CCNYL1: variants seen among roughly 807,000 people sequenced by gnomAD.
The protein encoded by CCNYL1 is cyclin-Y-like protein 1.
Under a neutral mutation model 44.2 loss-of-function variants are expected in CCNYL1, and 16 were observed. That is an observed-to-expected ratio of 0.36 (90% CI 0.25 to 0.55). The LOEUF (loss-of-function observed/expected upper bound fraction) is 0.55. Among genes scored for constraint, CCNYL1 ranks in the 20% least tolerant of loss-of-function variants. The pLI is 0.85. For missense variants in CCNYL1, 348 were observed against 451.8 expected (o/e 0.77, Z 2.08); for synonymous variants, 159 against 163.2 (o/e 0.97, Z 0.20).
In CCNYL1 at chr2:207,747,038, A is replaced by C; in HGVS notation, c.640-9A>C. The C allele has an allele frequency of 6.2e-7, 1 of 1,610,878 alleles. No homozygotes were observed. Among genetic ancestry groups the C allele is most frequent in the Non-Finnish European group, 8.5e-7 (1 of 1,177,568 alleles). On this transcript the variant is annotated splice_polypyrimidine_tract_variant and intron_variant, in intron 7 of 9. Coordinates refer to ENST00000295414, the MANE Select transcript of CCNYL1 (RefSeq NM_001330218.2). ...AACTAAAATCAAAGACCAGTGCTCT[A>C]TTTTACAGGTTTACTTAGAAAGGCT...
At chr2:207,726,348 C>T (rs1477561772) in intron 2 of CCNYL1, among the ~76,000 whole-genome samples, 1 of 152,108 alleles carries the variant, frequency 6.6e-6, no homozygotes, top group East Asian at 1.9e-4. Context: ...TTTATTTTTT[C>T]AGTAACATAC....
intron 1 of CCNYL1, among the ~76,000 whole-genome samples, chr2:207,722,256 G>A (rs1357852588): frequency 1.3e-5 from 2 of 151,834 alleles, no homozygotes; most frequent in Non-Finnish European, 2.9e-5. Context: ...TGTATTTTTA[G>A]TAGAGATGGG....
intron 8 of CCNYL1, among the ~76,000 whole-genome samples, chr2:207,749,100 T>G (rs2091874794): frequency 6.6e-6 from 1 of 152,210 alleles, no homozygotes; most frequent in Non-Finnish European, 1.5e-5. Flanking sequence ...ATGTGCAGGT[T>G]TCTACAGATG....
At chr2:207,725,578 G>C (rs2091674033) in intron 2 of CCNYL1, among the ~76,000 whole-genome samples, 1 of 152,216 alleles carries the variant, frequency 6.6e-6, no homozygotes, top group Non-Finnish European at 1.5e-5. Flanking sequence ...TTGAATCTGT[G>C]ATTTTGGCTT....
At chr2:207,751,204 G>C in intron 9 of CCNYL1, 85 bp downstream of exon 9, 2 of 1,207,230 alleles carry the variant, frequency 1.7e-6, no homozygotes, top group Non-Finnish European at 2.3e-6. Context: ...GTAGTGATTA[G>C]GAAAATGGAA....
rs187229074 is a variant in CCNYL1, at chr2:207,718,200, G to A, written c.220+6084G>A. Among the ~76,000 whole-genome samples the A allele has an allele frequency of 2.8e-4, 42 of 152,182 alleles. No individual in the cohort carries two copies. In the East Asian group the frequency reaches 6.9e-3, roughly 25 times the overall value. On this transcript the variant is annotated intron_variant, in intron 1 of 9. Transcript: ENST00000295414. ...ATTACAGGTGTGAGCCACCATGCCC[G>A]GCCAATATTTTTAATTGTTTAAGAA...
chr2:207,734,021 G>A lies in CCNYL1; in HGVS notation c.405G>A (p.Gln135=). The A allele has an allele frequency of 6.2e-7, 1 of 1,613,394 alleles. No homozygotes were observed. The highest frequency in any genetic ancestry group is 2.2e-5 in the East Asian group (1 of 44,872). The part of the protein sequence containing the change: ...TIFLDDSTVS[Q]PNLRTTVKCV... ...TTCTAGATGACAGCACAGTCAGCCAGCCTAATCTTAGAACCACAGTAAAAT... is the reference window on the plus strand; with the variant it reads ...TTCTAGATGACAGCACAGTCAGCCAACCTAATCTTAGAACCACAGTAAAAT... Residue 135 remains glutamine (Q), a synonymous_variant, in exon 4 of 10, where the codon CAG becomes CAA. Transcript: ENST00000295414.
chr2:207,713,598 A>G (rs2091570384), intron 1 of CCNYL1, among the ~76,000 whole-genome samples: 1 of 152,354 alleles, frequency 6.6e-6, no homozygotes, highest in Non-Finnish European at 1.5e-5. Flanking sequence ...TATCATAAAG[A>G]TGTTTAAATC....
chr2:207,750,793 G>A, intron 8 of CCNYL1, 164 bp from the exon 9 acceptor site: 2 of 586,444 alleles, frequency 3.4e-6, no homozygotes, highest in Non-Finnish European at 5.8e-6. Flanking sequence ...GGGACCACAA[G>A]TAACTGTACC....
intron 1 of CCNYL1, among the ~76,000 whole-genome samples, chr2:207,718,650 C>T (rs1236886192): frequency 6.6e-6 from 1 of 152,208 alleles, no homozygotes; most frequent in African/African-American, 2.4e-5. Context: ...GATTTCTCTT[C>T]TGTTGGGAGA....
At position 207,733,997 on chromosome 2, in the gene CCNYL1, T is replaced by G. The variant is rs766332715; in HGVS notation, c.381T>G (p.Phe127Leu). 5.0e-5 allele frequency: 81 copies of G among 1,613,654 alleles called. No individual in the cohort carries two copies. Among genetic ancestry groups the G allele is most frequent in the Non-Finnish European group, 6.9e-5 (81 of 1,179,758 alleles). The change falls in exon 4 of 10, where the codon TTT (phenylalanine) becomes TTG (leucine). Residue 127 changes from phenylalanine to leucine, a missense_variant. Physicochemically the swap from Phe to Leu is conservative, Grantham distance 22. Around this residue, in one of 3 missense-constraint regions of CCNYL1, gnomAD observed 209 missense variants for 247.7 expected, o/e 0.84. Coordinates refer to ENST00000295414, the MANE Select transcript of CCNYL1 (RefSeq NM_001330218.2). ...TKKYSSCSTI[F>L]LDDSTVSQPN... is the part of the protein sequence containing the mutation. ...AGTATAGCTCATGCTCAACAATATT[T>G]CTAGATGACAGCACAGTCAGCCAGC...
intron 1 of CCNYL1, among the ~76,000 whole-genome samples, chr2:207,720,187 CAAAAAAA>C (rs747214958): frequency 1.7e-4 from 10 of 57,904 alleles, no homozygotes; most frequent in Non-Finnish European, 3.2e-4. Context: ...GACTCCGTCT[CAAAAAAA>C]AAAAAAAAAA....
chr2:207,752,665 CAT>C (rs1189167367), intron 9 of CCNYL1, among the ~76,000 whole-genome samples: 1 of 152,084 alleles, frequency 6.6e-6, no homozygotes, highest in African/African-American at 2.4e-5. Context: ...GAAATGGACA[CAT>C]ATTTTAAACT....
intron 3 of CCNYL1, among the ~76,000 whole-genome samples, chr2:207,732,863 GC>G (rs1339430424): frequency 6.6e-6 from 1 of 152,190 alleles, no homozygotes; most frequent in African/African-American, 2.4e-5. Flanking sequence ...GTGTGTAGTA[GC>G]ATTTACCTTC....
intron 1 of CCNYL1, among the ~76,000 whole-genome samples, 199 bp downstream of exon 1, chr2:207,712,315 C>T (rs2091555755): frequency 6.6e-6 from 1 of 152,234 alleles, no homozygotes; most frequent in Non-Finnish European, 1.5e-5. Context: ...CTCCTCCTTA[C>T]CGTAACGCCC....
chr2:207,715,069 A>G (rs1268481678), intron 1 of CCNYL1, among the ~76,000 whole-genome samples: 1 of 152,172 alleles, frequency 6.6e-6, no homozygotes, highest in African/African-American at 2.4e-5. Flanking sequence ...GGAGTTCGAG[A>G]GCAGCCTGGC....
At chr2:207,726,980 C>A (rs1200764947) in intron 3 of CCNYL1, 104 bp downstream of exon 3, 2 of 679,350 alleles carry the variant, frequency 2.9e-6, no homozygotes, top group East Asian at 6.1e-5. Flanking sequence ...TTAGTATGAG[C>A]CTCTTTTTGT....
At chr2:207,728,284 T>G (rs1292738610) in intron 3 of CCNYL1, among the ~76,000 whole-genome samples, 1 of 151,108 alleles carries the variant, frequency 6.6e-6, no homozygotes, top group Admixed American at 6.6e-5. Flanking sequence ...TTTCTTTTTT[T>G]CTCTTTTTTG....
At chr2:207,737,365 A>C in intron 4 of CCNYL1, 46 bp from the exon 5 acceptor site, 1 of 1,462,118 alleles carries the variant, frequency 6.8e-7, no homozygotes, top group Non-Finnish European at 9.5e-7. Flanking sequence ...AGGCCTAACA[A>C]ATGTTTAAAT....
Sources: allele counts gnomAD v4.1 joint callset (sites outside exome capture counted in the v4.1 genomes callset), GRCh38; gene constraint gnomAD v4.1.1; regional missense constraint gnomAD v4.1.1; transcripts MANE v1.5; gene names NCBI Gene and HGNC (gene_info 2026-07-23, HGNC 2026-07-21).